The following AHNAK2 variants were observed in gnomAD, a reference collection of about 807,000 sequenced individuals.
AHNAK2 encodes protein AHNAK2.
A neutral mutation model predicts 30.7 loss-of-function variants in AHNAK2; 18 were observed. That is an observed-to-expected ratio of 0.59 (90% CI 0.41 to 0.87). The LOEUF (loss-of-function observed/expected upper bound fraction) is 0.87. Among genes scored for constraint, AHNAK2 ranks in the 40% least tolerant of loss-of-function variants. The pLI is 0.00. For synonymous variants in AHNAK2, 3,590 were observed against 3,073.8 expected (o/e 1.17, Z -5.56); for missense variants, 8,604 against 7,373.0 (o/e 1.17, Z -6.11).
chr14:104,943,579 CG>C lies in AHNAK2; in HGVS notation c.11871del (p.Asp3958ThrfsTer4). 1 of 1,612,304 alleles carries C rather than the reference CG, an allele frequency of 6.2e-7. No homozygotes were observed. Among genetic ancestry groups the C allele is most frequent in the Non-Finnish European group, 8.5e-7 (1 of 1,179,318 alleles). On this transcript the variant is annotated frameshift_variant, in exon 7 of 7. Transcript: ENST00000333244. LOFTEE classifies it low-confidence loss of function (END_TRUNC). ...CTGTCTTTGGCCGTCATGTCCTTGT[CG>C]GCCAGGGACAGGTCCCCCTCCAGCC... ...GARLEGDLSLADKDMTAKDSK... is the reference protein window; with the variant it reads ...GARLEGDLSLXDKDMTAKDSK...
chr14:104,955,655 G>A (rs765399598), intron 4 of AHNAK2, 22 bp from the exon 5 acceptor site: 5 of 1,608,326 alleles, frequency 3.1e-6, no homozygotes, highest in Admixed American at 3.4e-5. Flanking sequence ...GCACATCAGG[G>A]CCATGGTGAG....
chr14:104,948,743 C>A lies in AHNAK2; in HGVS notation c.6708G>T (p.Leu2236=). The change falls in exon 7 of 7, where the codon CTG becomes CTT. Residue 2236 remains leucine, a synonymous_variant. Coordinates refer to ENST00000333244, the MANE Select transcript of AHNAK2 (RefSeq NM_138420.4). ...TGAAACTGGGCATCTGCAGCTTGGG[C>A]AGGTGCCCTTTGAGGCCGACTTCCT... ...VPEEVGLKGH[L]PKLQMPSFKV... is the part of the protein sequence containing the mutation. The A allele has an allele frequency of 1.2e-6, 2 of 1,611,952 alleles. No individual in the cohort carries two copies. The highest frequency in any genetic ancestry group is 1.7e-6 in the Non-Finnish European group (2 of 1,179,564).
At position 104,950,228 on chromosome 14, in the gene AHNAK2, G is replaced by T; in HGVS notation, c.5223C>A (p.Leu1741=). The T allele has an allele frequency of 6.3e-7, 1 of 1,579,776 alleles. No homozygotes were observed. Among genetic ancestry groups the T allele is most frequent in the Non-Finnish European group, 8.6e-7 (1 of 1,160,318 alleles). ...TCAAACTGGGCATCTGCACCTTGGG[G>T]AGGTGCCCTTTGAAGCCGGCTCCCT... ...LPEGAGFKGH[L]PKVQMPSLKM... Residue 1741 remains leucine, a synonymous_variant, in exon 7 of 7, where the codon CTC becomes CTA. Coordinates refer to ENST00000333244, the MANE Select transcript of AHNAK2 (RefSeq NM_138420.4).
chr14:104,972,086 G>A (rs954342512), intron 1 of AHNAK2, among the ~76,000 whole-genome samples: 1 of 152,240 alleles, frequency 6.6e-6, no homozygotes, highest in Non-Finnish European at 1.5e-5. Flanking sequence ...TTCAAGGGCA[G>A]GGAAGGCTCT....
intron 1 of AHNAK2, among the ~76,000 whole-genome samples, chr14:104,968,078 AG>A (rs1186241652): frequency 5.3e-5 from 8 of 152,220 alleles, no homozygotes; most frequent in Non-Finnish European, 7.4e-5. Flanking sequence ...CGCCTGAGCC[AG>A]GCCCAGCTGG....
intron 2 of AHNAK2, 23 bp from the exon 3 acceptor site, chr14:104,957,531 T>C: frequency 1.3e-6 from 2 of 1,590,680 alleles, no homozygotes; most frequent in Non-Finnish European, 1.7e-6. Context: ...AATCCAGTTA[T>C]TTTTGCCACT....
At position 104,951,793 on chromosome 14, in the gene AHNAK2, G is replaced by C. The variant is rs1423230216; in HGVS notation, c.3658C>G (p.Leu1220Val). The change falls in exon 7 of 7, where the codon CTG (leucine) becomes GTG (valine). Residue 1220 changes from leucine to valine, a missense_variant. By Grantham distance (32) the Leu-to-Val change is conservative. Coordinates refer to ENST00000333244, the MANE Select transcript of AHNAK2 (RefSeq NM_138420.4). ...TCCACCTGGCCAGCGTGGACCTCCA[G>C]GTCAGCGGAAGGGGGCTGAATGCTG... ...DLSIQPPSAD[L>V]EVHAGQVDVK... is the part of the protein sequence containing the mutation. The C allele has an allele frequency of 5.2e-6, 7 of 1,353,556 alleles. No individual in the cohort carries two copies. The highest frequency in any genetic ancestry group is 1.4e-5 in the African/African-American group (1 of 71,790). 83.8% of individuals were successfully genotyped at this position (1,353,556 alleles called of 1,614,324 possible).
At chr14:104,962,945 C>T (rs941466394) in intron 1 of AHNAK2, among the ~76,000 whole-genome samples, 1 of 152,108 alleles carries the variant, frequency 6.6e-6, no homozygotes, top group East Asian at 1.9e-4. Context: ...TTTAACACCT[C>T]GAGGGCAGCA....
chr14:104,953,292 G>A lies in AHNAK2; in HGVS notation c.2159C>T (p.Thr720Ile). 1 of 1,612,636 alleles carries A rather than the reference G, an allele frequency of 6.2e-7. No homozygotes were observed. Among genetic ancestry groups the A allele is most frequent in the Non-Finnish European group, 8.5e-7 (1 of 1,179,574 alleles). Residue 720 changes from threonine (T) to isoleucine (I), a missense_variant, in exon 7 of 7, where the codon ACC becomes ATC. Physicochemically the swap from Thr to Ile is moderately conservative, Grantham distance 89 (BLOSUM62 -1). Coordinates refer to ENST00000333244, the MANE Select transcript of AHNAK2 (RefSeq NM_138420.4). ...SLLSMQGDLK[T>I]TDLSVQTPSA... ...AGGGGTCTGGACGCTGAGGTCAGTG[G>A]TCTTGAGGTCCCCCTGCATGGAGAG...
chr14:104,944,989 G>C lies in AHNAK2; in HGVS notation c.10462C>G (p.Pro3488Ala). 6.2e-7 allele frequency: 1 copy of C among 1,612,906 alleles called. No individual in the cohort carries two copies. Among genetic ancestry groups the C allele is most frequent in the Non-Finnish European group, 8.5e-7 (1 of 1,179,566 alleles). ...FKMPSFGVSAPGRSIEASLDV... is the reference protein window; with the variant it reads ...FKMPSFGVSAAGRSIEASLDV... ...AGCGAGGCCTCGATGGACCTGCCTG[G>C]GGCCGACACCCCGAAGGAGGGCATC... Residue 3488 changes from proline to alanine, a missense_variant, in exon 7 of 7, where the codon CCA becomes GCA. Pro to Ala is a conservative substitution (Grantham distance 27, BLOSUM62 -1). Coordinates refer to ENST00000333244, the MANE Select transcript of AHNAK2 (RefSeq NM_138420.4).
rs1898234085 is a variant in AHNAK2, at chr14:104,945,776, G to T, written c.9675C>A (p.His3225Gln). ...HVLEGAGLKG[H>Q]LPKLQMPSFK... is the part of the protein sequence containing the mutation. ...AACTGGGCATCTGCAACTTGGGCAGGTGCCCTTTGAGGCCAGCTCCCTCGA... is the reference window on the plus strand; with the variant it reads ...AACTGGGCATCTGCAACTTGGGCAGTTGCCCTTTGAGGCCAGCTCCCTCGA... Residue 3225 changes from histidine (H) to glutamine (Q), a missense_variant, in exon 7 of 7, where the codon CAC (histidine) becomes CAA (glutamine). His to Gln is a conservative substitution (Grantham distance 24, BLOSUM62 0). Coordinates refer to ENST00000333244, the MANE Select transcript of AHNAK2 (RefSeq NM_138420.4). The T allele has an allele frequency of 1.3e-6, 2 of 1,590,544 alleles. No homozygotes were observed. The highest frequency in any genetic ancestry group is 2.2e-5 in the East Asian group (1 of 44,638).
intron 1 of AHNAK2, 125 bp from the exon 2 acceptor site, chr14:104,957,797 G>A (rs144979951): frequency 2.3e-5 from 23 of 996,168 alleles, no homozygotes; most frequent in Middle Eastern, 3.1e-4. Flanking sequence ...ACACTGGATC[G>A]GAGAGCAAAC....
Position 104,944,233 on chromosome 14 carries a change from G to T in AHNAK2, c.11218C>A (p.Gln3740Lys). The change falls in exon 7 of 7, where the codon CAG (glutamine) becomes AAG (lysine). Residue 3740 changes from glutamine (Q) to lysine (K), a missense_variant. Gln to Lys is a moderately conservative substitution (Grantham distance 53). Coordinates refer to ENST00000333244, the MANE Select transcript of AHNAK2 (RefSeq NM_138420.4). ...AGCTTGGGGCCCTTGATGTCCACCT[G>T]GGGGCCCTTGAGGTCCACTTTGGGC... Reference protein sequence around the residue: ...KMPKVDLKGPQVDIKGPKLDL... With the variant: ...KMPKVDLKGPKVDIKGPKLDL... 1.2e-6 allele frequency: 2 copies of T among 1,611,478 alleles called. No individual in the cohort carries two copies. Among genetic ancestry groups the T allele is most frequent in the Non-Finnish European group, 1.7e-6 (2 of 1,178,956 alleles).
chr14:104,942,120 C>T lies in AHNAK2; in HGVS notation c.13331G>A (p.Arg4444Gln), dbSNP rs781458836. The change falls in exon 7 of 7, where the codon CGG becomes CAG. Residue 4444 changes from arginine to glutamine, a missense_variant. Arg to Gln is a conservative substitution (Grantham distance 43). Coordinates refer to ENST00000333244, the MANE Select transcript of AHNAK2 (RefSeq NM_138420.4). ...AGCCAGGGACAGGTCCCCCTCCAGC[C>T]GCGTACTGTCCAGCTTGGCTCCTGG... ...QAPGAKLDST[R>Q]LEGDLSLADK... The T allele has an allele frequency of 8.1e-6, 13 of 1,613,140 alleles. No homozygotes were observed. The East Asian group carries it at 8.9e-5, about 11-fold the overall frequency.
At chr14:104,967,253 T>C (rs1333781799) in intron 1 of AHNAK2, among the ~76,000 whole-genome samples, 3 of 150,772 alleles carry the variant, frequency 2.0e-5, no homozygotes, top group African/African-American at 4.9e-5. Context: ...CCTGGATGGG[T>C]TGGGGGTGGG....
chr14:104,957,745 G>A, intron 1 of AHNAK2, 73 bp from the exon 2 acceptor site: 1 of 1,447,000 alleles, frequency 6.9e-7, no homozygotes, highest in Non-Finnish European at 9.5e-7. Context: ...GAGGGAGCCA[G>A]GACTGTATGT....
chr14:104,958,317 A>C (rs561869953), intron 1 of AHNAK2, among the ~76,000 whole-genome samples: 1 of 152,232 alleles, frequency 6.6e-6, no homozygotes, highest in South Asian at 2.1e-4. Flanking sequence ...GCATGGTGGC[A>C]CATGCCTGTA....
rs182847784 is a variant in AHNAK2, at chr14:104,958,749, A to C, written c.56-1077T>G. On this transcript the variant is annotated intron_variant, in intron 1 of 6. Coordinates refer to ENST00000333244, the MANE Select transcript of AHNAK2 (RefSeq NM_138420.4). ...TCTCAGAGCATTAACCATAAGATAA[A>C]GAGGCAGAAGAGAGAGTTGAAGAAG... Among the ~76,000 whole-genome samples, 268 of 152,308 alleles carry C rather than the reference A, an allele frequency of 1.8e-3. 2 individuals are homozygous for C. Among genetic ancestry groups the C allele is most frequent in the African/African-American group, 6.2e-3 (258 of 41,564 alleles).
In AHNAK2 at chr14:104,950,402, C is replaced by T; in HGVS notation, c.5049G>A (p.Val1683=). The T allele has an allele frequency of 1.3e-6, 2 of 1,587,174 alleles. No homozygotes were observed. The highest frequency in any genetic ancestry group is 1.1e-5 in the South Asian group (1 of 89,786). Residue 1683 remains valine, a synonymous_variant, in exon 7 of 7, where the codon GTG becomes GTA. Coordinates refer to ENST00000333244, the MANE Select transcript of AHNAK2 (RefSeq NM_138420.4). The part of the protein sequence containing the change: ...PGKSIEASVD[V]SEPKVEADVS... Reference sequence around the variant, plus strand: ...CATCAGCTTCCACCTTCGGCTCAGACACATCCACCGAGGCCTCGATGGACT... The same window carrying T: ...CATCAGCTTCCACCTTCGGCTCAGATACATCCACCGAGGCCTCGATGGACT...
Sources: allele counts gnomAD v4.1 joint callset (sites outside exome capture counted in the v4.1 genomes callset), GRCh38; gene constraint gnomAD v4.1.1; transcripts MANE v1.5; gene names NCBI Gene and HGNC (gene_info 2026-07-23, HGNC 2026-07-21).